The following PCDH9 variants were observed in gnomAD, a reference collection of about 807,000 sequenced individuals.
PCDH9 encodes the protein protocadherin 9, also known as protocadherin-9.
A neutral mutation model predicts 70.6 loss-of-function variants in PCDH9; 24 were observed. The observed-to-expected ratio is 0.34, with a 90% CI of 0.25 to 0.48. PCDH9 has a LOEUF of 0.48. Among genes scored for constraint, PCDH9 ranks in the 20% least tolerant of loss-of-function variants. The pLI is 0.99. For synonymous variants in PCDH9, 562 were observed against 558.5 expected (o/e 1.01, Z -0.09); for missense variants, 1,281 against 1,503.6 (o/e 0.85, Z 2.45).
chr13:67,175,927 C>T (rs949120002), intron 2 of PCDH9, among the ~76,000 whole-genome samples: 3 of 149,342 alleles, frequency 2.0e-5, no homozygotes, highest in Non-Finnish European at 3.0e-5. Context: ...GTTCTAACAA[C>T]ACAATCCAAG....
At chr13:66,672,475 C>A (rs1403381263) in intron 3 of PCDH9, among the ~76,000 whole-genome samples, 1 of 152,108 alleles carries the variant, frequency 6.6e-6, no homozygotes, top group Non-Finnish European at 1.5e-5. Context: ...TAGGGCAATG[C>A]AGGAGGGAAA....
chr13:66,326,405 A>AAC (rs1955845413), intron 4 of PCDH9, among the ~76,000 whole-genome samples: 1 of 151,456 alleles, frequency 6.6e-6, no homozygotes, highest in African/African-American at 2.4e-5. Context: ...TCTAAAAAAA[A>AAC]AAAAAAAACA....
At chr13:66,692,124 T>A (rs1226597590) in intron 3 of PCDH9, among the ~76,000 whole-genome samples, 1 of 152,164 alleles carries the variant, frequency 6.6e-6, no homozygotes, top group African/African-American at 2.4e-5. Context: ...GATATTAGCC[T>A]CTACATGGCA....
At chr13:66,471,928 T>C (rs540372599) in intron 4 of PCDH9, among the ~76,000 whole-genome samples, 2 of 152,200 alleles carry the variant, frequency 1.3e-5, no homozygotes, top group South Asian at 4.1e-4. Context: ...ACTAGAAATG[T>C]GGCCGGGCGC....
At chr13:66,842,854 G>T (rs749582703) in intron 3 of PCDH9, among the ~76,000 whole-genome samples, 1 of 152,176 alleles carries the variant, frequency 6.6e-6, no homozygotes, top group Non-Finnish European at 1.5e-5. Context: ...GGTAGTGTGA[G>T]ATGTCTCTCT....
At chr13:67,189,596 C>G (rs1241071620) in intron 2 of PCDH9, among the ~76,000 whole-genome samples, 1 of 151,870 alleles carries the variant, frequency 6.6e-6, no homozygotes, top group Non-Finnish European at 1.5e-5. Flanking sequence ...GATAAAATTT[C>G]TTTCTAATTA....
chr13:66,419,262 G>T (rs181071186), intron 4 of PCDH9, among the ~76,000 whole-genome samples: 31 of 152,110 alleles, frequency 2.0e-4, no homozygotes, highest in Non-Finnish European at 3.1e-4. Flanking sequence ...AAAATTTCAG[G>T]CCAATATCCC....
intron 4 of PCDH9, among the ~76,000 whole-genome samples, chr13:66,550,411 C>T (rs1961432981): frequency 6.6e-6 from 1 of 151,942 alleles, no homozygotes; most frequent in African/African-American, 2.4e-5. Context: ...TCCCAATTAC[C>T]CCATAGAAAC....
At chr13:67,228,876 T>A (rs1593661806) in intron 1 of PCDH9, among the ~76,000 whole-genome samples, 1 of 152,130 alleles carries the variant, frequency 6.6e-6, no homozygotes, top group Non-Finnish European at 1.5e-5. Context: ...CCTCTTCCCC[T>A]CCCCCTGTCT....
chr13:66,369,620 A>G (rs371584951), intron 4 of PCDH9, among the ~76,000 whole-genome samples: 7 of 152,278 alleles, frequency 4.6e-5, no homozygotes, highest in African/African-American at 1.7e-4. Flanking sequence ...GTTCCTTATT[A>G]CTTAAATAAT....
In PCDH9 at chr13:67,106,644, G is replaced by A. The variant is rs553595114; in HGVS notation, c.3036+118761C>T. On this transcript the variant is annotated intron_variant, in intron 2 of 4. Transcript: ENST00000377865. ...GCACTCCGTGGAGCTAATGGGGACTGGGAACAGGCAGGAGACCCGCCCTCC... is the reference window on the plus strand; with the variant it reads ...GCACTCCGTGGAGCTAATGGGGACTAGGAACAGGCAGGAGACCCGCCCTCC... Among the ~76,000 whole-genome samples the A allele has an allele frequency of 2.6e-5, 4 of 152,326 alleles. No individual in the cohort carries two copies. In the South Asian group the frequency reaches 8.3e-4, roughly 32 times the overall value.
intron 3 of PCDH9, among the ~76,000 whole-genome samples, chr13:66,682,573 T>C (rs961621639): frequency 1.3e-5 from 2 of 152,122 alleles, no homozygotes; most frequent in Non-Finnish European, 2.9e-5. Context: ...AGCATCCTCC[T>C]TTCTGATTGT....
intron 3 of PCDH9, among the ~76,000 whole-genome samples, chr13:66,858,667 A>G (rs930507469): frequency 6.6e-6 from 1 of 152,148 alleles, no homozygotes; most frequent in African/African-American, 2.4e-5. Context: ...CCTTCATATC[A>G]TGGCAACCAT....
At chr13:66,915,123 T>C (rs2082536668) in intron 2 of PCDH9, 1 of 151,652 alleles carries the variant, frequency 6.6e-6, no homozygotes, top group East Asian at 1.9e-4. Flanking sequence ...ATAGAGAACA[T>C]TTTATAAAAC....
chr13:66,387,490 A>C (rs190603364), intron 4 of PCDH9, among the ~76,000 whole-genome samples: 56 of 150,464 alleles, frequency 3.7e-4, no homozygotes, highest in Admixed American at 2.8e-3. Flanking sequence ...GCTTGGTGCC[A>C]TTCTCATCAC....
chr13:66,375,805 G>A (rs1593878767), intron 4 of PCDH9, among the ~76,000 whole-genome samples: 1 of 151,948 alleles, frequency 6.6e-6, no homozygotes, highest in East Asian at 1.9e-4. Context: ...TCCCCCTCAA[G>A]AATGTATTTC....
At chr13:66,515,562 C>A (rs1453847673) in intron 4 of PCDH9, among the ~76,000 whole-genome samples, 2 of 151,898 alleles carry the variant, frequency 1.3e-5, no homozygotes, top group Non-Finnish European at 2.9e-5. Context: ...AGTAGTAATG[C>A]TTTTATTTGG....
intron 4 of PCDH9, among the ~76,000 whole-genome samples, chr13:66,617,911 AC>A (rs1430589190): frequency 6.6e-6 from 1 of 152,124 alleles, no homozygotes; most frequent in Middle Eastern, 3.2e-3. Context: ...TTCGTCCTTA[AC>A]TGCAGTTAGA....
intron 3 of PCDH9, among the ~76,000 whole-genome samples, chr13:66,695,033 A>C (rs1189179349): frequency 7.3e-5 from 11 of 151,236 alleles, no homozygotes. Context: ...TCTCCCTAGT[A>C]GCTGGGACTA....
Sources: gnomAD v4.1 joint callset for allele counts (sites outside exome capture counted in the v4.1 genomes callset) on GRCh38, gnomAD v4.1.1 for gene constraint, MANE v1.5 for transcripts, NCBI Gene and HGNC (gene_info 2026-07-23, HGNC 2026-07-21) for gene names.